The following AKAP19 variants were observed in gnomAD, a reference collection of about 807,000 sequenced individuals.
AKAP19 encodes the protein small A-kinase anchoring protein.
chr2:190,102,546 A>G, the AKAP19 span, among the ~76,000 whole-genome samples: 6 of 152,204 alleles, frequency 3.9e-5, no homozygotes, highest in Non-Finnish European at 7.3e-5. Context: ...CTCAGAGACT[A>G]CTATGAACTC....
chr2:189,945,726 G>A, the AKAP19 span, among the ~76,000 whole-genome samples: 3 of 152,124 alleles, frequency 2.0e-5, no homozygotes, highest in South Asian at 2.1e-4. Flanking sequence ...ATTGTTTTAA[G>A]TACTTCCAGG....
the AKAP19 span, among the ~76,000 whole-genome samples, chr2:190,069,179 A>T: frequency 0.024 from 3,471 of 142,202 alleles, 155 homozygotes; most frequent in East Asian, 0.17. Context: ...TGTGTGTGAG[A>T]GAGAGAGAGA....
the AKAP19 span, among the ~76,000 whole-genome samples, chr2:190,086,135 A>G: frequency 1.3e-5 from 2 of 152,230 alleles, no homozygotes; most frequent in Non-Finnish European, 2.9e-5. Context: ...ATCACATAGT[A>G]TAAGCACATT....
At chr2:190,153,881 A>G in the AKAP19 span, among the ~76,000 whole-genome samples, 39,177 of 151,998 alleles carry the variant, frequency 0.26, 5,325 homozygotes, top group Middle Eastern at 0.39. Flanking sequence ...AGTATCATCA[A>G]TGTTATAACT....
chr2:189,953,985 T>C, the AKAP19 span, among the ~76,000 whole-genome samples: 1 of 152,124 alleles, frequency 6.6e-6, no homozygotes, highest in Admixed American at 6.5e-5. Flanking sequence ...GTCAAGCTGA[T>C]AGTTGAAAGA....
the AKAP19 span, among the ~76,000 whole-genome samples, chr2:190,028,531 CT>C: frequency 1.1e-4 from 17 of 151,244 alleles, 1 homozygote; most frequent in South Asian, 1.5e-3. Context: ...TGATAACTAC[CT>C]TTTTTTTTAA....
the AKAP19 span, among the ~76,000 whole-genome samples, chr2:190,116,351 T>A: frequency 9.2e-5 from 14 of 152,164 alleles, no homozygotes; most frequent in African/African-American, 3.1e-4. Flanking sequence ...AGAGAGTGCA[T>A]GTGAGAGAGT....
chr2:189,920,844 G>A, the AKAP19 span, among the ~76,000 whole-genome samples: 10 of 152,142 alleles, frequency 6.6e-5, no homozygotes, highest in Non-Finnish European at 1.0e-4. Flanking sequence ...CCTGTCTTCC[G>A]GTACTTGATG....
At chr2:190,054,505 A>G in the AKAP19 span, among the ~76,000 whole-genome samples, 1 of 152,120 alleles carries the variant, frequency 6.6e-6, no homozygotes, top group Admixed American at 6.6e-5. Flanking sequence ...CTAATTAAAG[A>G]GCTTCTGCAC....
the AKAP19 span, among the ~76,000 whole-genome samples, chr2:190,061,306 A>G: frequency 6.6e-6 from 1 of 152,070 alleles, no homozygotes; most frequent in Non-Finnish European, 1.5e-5. Flanking sequence ...TTTTCTTGCC[A>G]TGCCTTCTCT....
the AKAP19 span, among the ~76,000 whole-genome samples, chr2:189,933,994 A>T: frequency 2.2e-4 from 34 of 152,190 alleles, 1 homozygote; most frequent in South Asian, 7.0e-3. Context: ...TCATCTAAAC[A>T]TTTGCCACAC....
the AKAP19 span, among the ~76,000 whole-genome samples, chr2:189,954,811 T>G: frequency 6.6e-6 from 1 of 152,222 alleles, no homozygotes; most frequent in Non-Finnish European, 1.5e-5. Flanking sequence ...GCATCCTTGC[T>G]CAGAATTAGA....
At chr2:189,965,376 A>G in the AKAP19 span, among the ~76,000 whole-genome samples, 1 of 152,190 alleles carries the variant, frequency 6.6e-6, no homozygotes, top group Non-Finnish European at 1.5e-5. Context: ...TGTGATGTAC[A>G]GTCAAAGTGA....
chr2:190,159,934 T>C, the AKAP19 span, among the ~76,000 whole-genome samples: 1 of 152,212 alleles, frequency 6.6e-6, no homozygotes, highest in Non-Finnish European at 1.5e-5. Context: ...CAATGCCAAA[T>C]TGAAAGCAAT....
chr2:189,912,737 A>G, the AKAP19 span, among the ~76,000 whole-genome samples: 2 of 152,152 alleles, frequency 1.3e-5, no homozygotes, highest in Non-Finnish European at 2.9e-5. Flanking sequence ...TTAACATGTC[A>G]ACATTTTACT....
At chr2:190,084,737 T>A in the AKAP19 span, among the ~76,000 whole-genome samples, 563 of 152,344 alleles carry the variant, frequency 3.7e-3, 4 homozygotes, top group African/African-American at 0.013. Flanking sequence ...GGGAGTACGA[T>A]AACCTAACTT....
At chr2:190,090,342 G>C in the AKAP19 span, among the ~76,000 whole-genome samples, 1 of 152,160 alleles carries the variant, frequency 6.6e-6, no homozygotes, top group Non-Finnish European at 1.5e-5. Flanking sequence ...AGGTCATAAA[G>C]GGCATTGCAG....
chr2:189,951,390 CG>C, the AKAP19 span, among the ~76,000 whole-genome samples: 1 of 151,818 alleles, frequency 6.6e-6, no homozygotes, highest in Non-Finnish European at 1.5e-5. Flanking sequence ...TTGGTAGAGA[CG>C]GGGTTTCACC....
the AKAP19 span, among the ~76,000 whole-genome samples, chr2:189,906,079 A>G: frequency 3.3e-5 from 5 of 152,188 alleles, no homozygotes; most frequent in African/African-American, 9.6e-5. Flanking sequence ...CAAGCATTTA[A>G]TATGTCAGGA....
Sources: gnomAD v4.1 joint callset for allele counts (sites outside exome capture counted in the v4.1 genomes callset) on GRCh38, gnomAD v4.1.1 for gene constraint, MANE v1.5 for transcripts, NCBI Gene and HGNC (gene_info 2026-07-23, HGNC 2026-07-21) for gene names.